The following BEAN1 variants were observed in gnomAD, a reference collection of about 807,000 sequenced individuals.
BEAN1 encodes brain expressed associated with NEDD4 1, also known as protein BEAN1.
BEAN1 carries 17 observed loss-of-function variants against 17.7 expected under a neutral mutation model. The ratio of observed to expected loss-of-function variants is 0.96; its 90% CI spans 0.66 to 1.44. BEAN1 has a LOEUF of 1.44. Ranked by LOEUF, BEAN1 falls within the 40% of genes most tolerant of loss-of-function variation. The pLI is 0.00. For missense variants in BEAN1, 359 were observed against 374.1 expected (o/e 0.96, Z 0.33); for synonymous variants, 142 against 151.8 (o/e 0.94, Z 0.47).
chr16:66,452,841 T>C (rs1263752946), intron 2 of BEAN1, among the ~76,000 whole-genome samples: 3 of 151,976 alleles, frequency 2.0e-5, no homozygotes, highest in Non-Finnish European at 2.9e-5. Flanking sequence ...GACACACAGC[T>C]CCCCAGGATG....
At chr16:66,431,721 C>T (rs1961811372) in intron 1 of BEAN1, among the ~76,000 whole-genome samples, 1 of 151,580 alleles carries the variant, frequency 6.6e-6, no homozygotes, top group African/African-American at 2.4e-5. Context: ...TAACATTATA[C>T]TGAAAGTCTT....
In BEAN1 at chr16:66,473,735, TAAAG is replaced by T; in HGVS notation, c.290-3823_290-3820del. Among the ~76,000 whole-genome samples, 1 of 151,890 alleles carries T rather than the reference TAAAG, an allele frequency of 6.6e-6. No individual in the cohort carries two copies. Among genetic ancestry groups the T allele is most frequent in the East Asian group, 1.9e-4 (1 of 5,176 alleles). ...AAATAAATAAATAATAAATAATAAA[TAAAG>T]AGGGAGGGGCAGTGTACCAGTGAAC... is the stretch of plus-strand genomic sequence containing the variant. On this transcript the variant is annotated intron_variant, in intron 3 of 4. Transcript: ENST00000536005. The surrounding 1 kb of genome is among the most constrained non-coding windows in gnomAD (Gnocchi z 4.5).
chr16:66,439,771 T>TAGAG (rs1962177013), intron 2 of BEAN1, among the ~76,000 whole-genome samples: 2 of 152,186 alleles, frequency 1.3e-5, no homozygotes, highest in Non-Finnish European at 2.9e-5. Context: ...TAGAGGCCAT[T>TAGAG]GTCAGGGAGA....
rs1555520823 is a variant in BEAN1 at position 66,473,721 on chromosome 16, T to TA, written c.290-3837dup. ...CTAAATAAATAAATAAATAAATAAA[T>TA]AATAAATAATAAATAAAGAGGGAGG... On this transcript the variant is annotated intron_variant, in intron 3 of 4. Transcript: ENST00000536005. The surrounding 1 kb of genome is among the most constrained non-coding windows in gnomAD (Gnocchi z 4.5). Among the ~76,000 whole-genome samples, 10 of 150,350 alleles carry TA rather than the reference T, an allele frequency of 6.7e-5. No individual in the cohort carries two copies. Among genetic ancestry groups the TA allele is most frequent in the Non-Finnish European group, 8.9e-5 (6 of 67,454 alleles).
intron 1 of BEAN1, among the ~76,000 whole-genome samples, chr16:66,430,588 TA>T (rs1961759439): frequency 6.6e-6 from 1 of 152,272 alleles, no homozygotes; most frequent in African/African-American, 2.4e-5. Flanking sequence ...AAGAATATGT[TA>T]ATTGTCCACA....
chr16:66,428,231 C>T, intron 1 of BEAN1: 1 of 152,632 alleles, frequency 6.6e-6, no homozygotes, highest in Non-Finnish European at 1.5e-5. Flanking sequence ...TCGGGCTCTG[C>T]GGTCTGGAGG....
chr16:66,479,952 C>T (rs998518833), intron 4 of BEAN1, among the ~76,000 whole-genome samples: 1 of 152,132 alleles, frequency 6.6e-6, no homozygotes, highest in East Asian at 1.9e-4. Flanking sequence ...CCCCCTCAGG[C>T]AGATCACCCA....
downstream of BEAN1, chr16:66,484,827 C>T (rs1000060942): frequency 6.6e-5 from 30 of 454,110 alleles, 1 homozygote; most frequent in Middle Eastern, 6.9e-4. This position sits in a 1 kb window ranked among gnomAD's most constrained non-coding sequence, Gnocchi z 4.2. Flanking sequence ...GTGGGAGAGA[C>T]GGGTTGTTTG....
Position 66,481,045 on chromosome 16 carries a change from AACT to A in BEAN1, c.*121_*123del. The stretch of plus-strand genomic sequence containing the variant: ...TGACTCATAACACACACATAGACCA[AACT>A]TGTATACACACAGACATCTACACTG... On this transcript the variant is annotated 3_prime_UTR_variant, in exon 5 of 5. Coordinates refer to ENST00000536005, the MANE Select transcript of BEAN1 (RefSeq NM_001178020.3). The surrounding 1 kb of genome is among the most constrained non-coding windows in gnomAD (Gnocchi z 4.1). 2 of 726,426 alleles carry A rather than the reference AACT, an allele frequency of 2.8e-6. No homozygotes were observed. Among genetic ancestry groups the A allele is most frequent in the South Asian group, 6.7e-5 (2 of 29,820 alleles). 45.0% of individuals were successfully genotyped at this position (726,426 alleles called of 1,614,324 possible).
chr16:66,469,107 C>G (rs1036663986), intron 2 of BEAN1, among the ~76,000 whole-genome samples: 1 of 152,210 alleles, frequency 6.6e-6, no homozygotes, highest in Admixed American at 6.5e-5. Context: ...CCTGACGCAT[C>G]TGGGTCAATT....
chr16:66,461,131 G>A (rs1963066511), intron 2 of BEAN1, among the ~76,000 whole-genome samples: 1 of 150,744 alleles, frequency 6.6e-6, no homozygotes, highest in Admixed American at 6.6e-5. Context: ...GTCCAGGAAG[G>A]AGGCAAAGCT....
At chr16:66,454,578 T>A (rs1962794950) in intron 2 of BEAN1, among the ~76,000 whole-genome samples, 1 of 152,186 alleles carries the variant, frequency 6.6e-6, no homozygotes, top group Non-Finnish European at 1.5e-5. Flanking sequence ...TCTCCTTCCA[T>A]CCTTTTATTT....
At chr16:66,452,115 C>T (rs538233053) in intron 2 of BEAN1, among the ~76,000 whole-genome samples, 1 of 152,278 alleles carries the variant, frequency 6.6e-6, no homozygotes, top group East Asian at 1.9e-4. Context: ...TACTCCAAAG[C>T]TCCATGGTTT....
At chr16:66,472,132 C>T (rs769046572) in intron 3 of BEAN1, among the ~76,000 whole-genome samples, 1 of 152,270 alleles carries the variant, frequency 6.6e-6, no homozygotes, top group Non-Finnish European at 1.5e-5. Context: ...TTCCAGGCCC[C>T]GCTCAAAGGC....
At chr16:66,476,400 T>C (rs1012496364) in intron 3 of BEAN1, 3 of 152,226 alleles carry the variant, frequency 2.0e-5, no homozygotes, top group Non-Finnish European at 4.4e-5. Flanking sequence ...CTTCACCACG[T>C]ATGTGACCCT....
chr16:66,448,667 A>G (rs185934053), intron 2 of BEAN1, among the ~76,000 whole-genome samples: 37 of 152,322 alleles, frequency 2.4e-4, no homozygotes, highest in African/African-American at 8.4e-4. Flanking sequence ...ACTAAAAAAT[A>G]CAAAAAGTAG....
intron 2 of BEAN1, chr16:66,450,959 T>C (rs1962650690): frequency 6.6e-6 from 1 of 152,336 alleles, no homozygotes; most frequent in African/African-American, 2.4e-5. Flanking sequence ...GCTTTTCACT[T>C]ATCACTTATT....
At chr16:66,447,869 A>G (rs1297979368) in intron 2 of BEAN1, among the ~76,000 whole-genome samples, 1 of 152,228 alleles carries the variant, frequency 6.6e-6, no homozygotes, top group African/African-American at 2.4e-5. Flanking sequence ...TTAGTGGCTG[A>G]AACTTCAACC....
chr16:66,476,812 C>T (rs1298624361), intron 3 of BEAN1, among the ~76,000 whole-genome samples: 1 of 152,200 alleles, frequency 6.6e-6, no homozygotes, highest in African/African-American at 2.4e-5. Context: ...GAATGCTGGA[C>T]AGGCACAGTT....
Sources: gnomAD v4.1 joint callset for allele counts (sites outside exome capture counted in the v4.1 genomes callset) on GRCh38, gnomAD v4.1.1 for gene constraint, Gnocchi (gnomAD v3.1) non-coding constraint, MANE v1.5 for transcripts, NCBI Gene and HGNC (gene_info 2026-07-23, HGNC 2026-07-21) for gene names.